The following FCRL5 variants were observed in gnomAD, a reference collection of about 807,000 sequenced individuals.
FCRL5 encodes Fc receptor-like protein 5.
FCRL5 carries 79 observed loss-of-function variants against 92.1 expected under a neutral mutation model. The ratio of observed to expected loss-of-function variants is 0.86; its 90% confidence interval spans 0.72 to 1.03. The LOEUF (loss-of-function observed/expected upper bound fraction) is 1.03. Ranked by LOEUF, FCRL5 falls within the 50% of genes least tolerant of loss-of-function variation. The pLI is 0.00. For synonymous variants in FCRL5, 466 were observed against 469.3 expected (o/e 0.99, Z 0.09); for missense variants, 1,160 against 1,181.1 (o/e 0.98, Z 0.26).
rs745751652 is a variant in FCRL5, at chr1:157,544,907, A to G, written c.483T>C (p.Asn161=). The part of the protein sequence containing the change: ...FHIPHACLKD[N]GAYRCTGYKE... ...TATATCCAGTACAGCGATATGCACC[A>G]TTGTCCTTGAGACATGCATGAGGAA... Residue 161 remains asparagine (N), a synonymous_variant, in exon 4 of 17, where the codon AAT becomes AAC. Coordinates refer to ENST00000361835, the MANE Select transcript of FCRL5 (RefSeq NM_031281.3). 3 of 1,614,026 alleles carry G rather than the reference A, an allele frequency of 1.9e-6. No individual in the cohort carries two copies. The highest frequency in any genetic ancestry group is 3.3e-5 in the Admixed American group (2 of 60,014).
rs1411156611 is a variant in FCRL5 at position 157,546,485 on chromosome 1, C to CAAACA, written c.307+457_307+458insTGTTT. ...CAAACCAAACCAAACCAAACCAAAC[C>CAAACA]AAACCAAACCAAACCAAAAAGCTAT... On this transcript the variant is annotated intron_variant, in intron 3 of 16. Coordinates refer to ENST00000361835, the MANE Select transcript of FCRL5 (RefSeq NM_031281.3). 5.3e-5 allele frequency among the ~76,000 whole-genome samples: 8 copies of CAAACA among 151,978 alleles called. No individual in the cohort carries two copies. The South Asian group carries it at 1.0e-3, about 20-fold the overall frequency.
At chr1:157,548,999 G>A (rs1288998056) in intron 2 of FCRL5, among the ~76,000 whole-genome samples, 5 of 151,940 alleles carry the variant, frequency 3.3e-5, no homozygotes, top group South Asian at 2.1e-4. Flanking sequence ...TGTTTACTGC[G>A]GCACTATTCA....
At chr1:157,526,603 C>T (rs1395760045) in intron 9 of FCRL5, among the ~76,000 whole-genome samples, 1 of 152,056 alleles carries the variant, frequency 6.6e-6, no homozygotes, top group African/African-American at 2.4e-5. Context: ...AATCTGGAGA[C>T]CAGATGGAGA....
At chr1:157,546,846 C>T in intron 3 of FCRL5, 97 bp downstream of exon 3, 5 of 1,419,270 alleles carry the variant, frequency 3.5e-6, no homozygotes, top group Non-Finnish European at 4.7e-6. Context: ...TAAAATTGTC[C>T]ACTCATGAAG....
At chr1:157,542,123 C>G (rs1651293516) in intron 6 of FCRL5, 1 of 152,300 alleles carries the variant, frequency 6.6e-6, no homozygotes, top group African/African-American at 2.4e-5. Context: ...AGACTGGACT[C>G]TCTGTCACCA....
At chr1:157,518,362 G>A (rs1650021825) in intron 15 of FCRL5, 67 bp downstream of exon 15, 1 of 1,366,952 alleles carries the variant, frequency 7.3e-7, no homozygotes, top group East Asian at 2.3e-5. Context: ...TCTGCTGAGT[G>A]GGTAGAAACT....
intron 2 of FCRL5, 60 bp downstream of exon 2, chr1:157,549,498 ATT>A (rs1285222800): frequency 8.3e-5 from 123 of 1,480,460 alleles, no homozygotes; most frequent in Non-Finnish European, 6.5e-5. Flanking sequence ...AATGTTTTCT[ATT>A]TATTAGGAAG....
In FCRL5 at chr1:157,544,386, A is replaced by G; in HGVS notation, c.720T>C (p.Ser240=). Residue 240 remains serine (S), a synonymous_variant, in exon 5 of 17, where the codon AGT becomes AGC. Transcript: ENST00000361835. The stretch of plus-strand genomic sequence containing the variant: ...CAGTAATCTGGAAATTCGGGGAGAG[A>G]CTCCAGCCTAATCCCAGGGTCTGGT... ...RDDQTLGLGW[S]LSPNFQITAM... is the part of the protein sequence containing the mutation. The G allele has an allele frequency of 5.6e-6, 9 of 1,613,920 alleles. No individual in the cohort carries two copies. The highest frequency in any genetic ancestry group is 5.9e-6 in the Non-Finnish European group (7 of 1,179,978).
At chr1:157,529,514 C>T (rs1407532617) in intron 8 of FCRL5, among the ~76,000 whole-genome samples, 1 of 152,122 alleles carries the variant, frequency 6.6e-6, no homozygotes, top group Non-Finnish European at 1.5e-5. Context: ...TATAGCAGCA[C>T]AACTCATGAT....
intron 7 of FCRL5, among the ~76,000 whole-genome samples, chr1:157,536,780 A>T (rs1650987231): frequency 6.6e-6 from 1 of 152,212 alleles, no homozygotes; most frequent in Admixed American, 6.5e-5. Context: ...GAAGTCAGGG[A>T]CCCCGAATGG....
At chr1:157,533,774 G>A (rs1650807857) in intron 8 of FCRL5, 1 of 150,034 alleles carries the variant, frequency 6.7e-6, no homozygotes. Flanking sequence ...AATGAGTGAA[G>A]TCTAGAAGCT....
intron 4 of FCRL5, 45 bp from the exon 5 acceptor site, chr1:157,544,591 C>G: frequency 1.9e-6 from 3 of 1,596,470 alleles, no homozygotes; most frequent in South Asian, 1.1e-5. Context: ...GAGGCTGGAA[C>G]TGCTTTGGAG....
At chr1:157,529,409 G>C (rs965865294) in intron 8 of FCRL5, among the ~76,000 whole-genome samples, 1 of 152,236 alleles carries the variant, frequency 6.6e-6, no homozygotes, top group East Asian at 1.9e-4. Context: ...AGAACTAAAA[G>C]TAGAACTACC....
chr1:157,545,166 A>T lies in FCRL5; in HGVS notation c.308-84T>A, dbSNP rs535247522. On this transcript the variant is annotated intron_variant, in intron 3 of 16. Coordinates refer to ENST00000361835, the MANE Select transcript of FCRL5 (RefSeq NM_031281.3). ...TGTTTTTCCAAGTAGATTTTATTTT[A>T]AAAAAATGGGTTGGGAAAAAGAACT... The T allele has an allele frequency of 1.8e-4, 258 of 1,465,626 alleles. 1 individual carries two copies. The highest frequency in any genetic ancestry group is 1.2e-3 in the South Asian group (94 of 76,152). The allele number at this position is 1,465,626 out of a possible 1,614,324, so 90.8% of individuals were successfully genotyped here. A position where few individuals can be genotyped will look rare whatever the true frequency, so the allele number is the denominator to read the frequency against.
At chr1:157,536,061 C>T (rs986623659) in intron 7 of FCRL5, among the ~76,000 whole-genome samples, 4 of 150,262 alleles carry the variant, frequency 2.7e-5, no homozygotes, top group African/African-American at 7.3e-5. Context: ...CCTGCATCAG[C>T]CTCCTGAGTA....
rs755135890 is a variant in FCRL5 at position 157,544,246 on chromosome 1, T to G, written c.844+16A>C. On this transcript the variant is annotated intron_variant, in intron 5 of 16. Transcript: ENST00000361835. The stretch of plus-strand genomic sequence containing the variant: ...AGCCCTCTCTGCAGCAAATCTCAGG[T>G]TCCACCAACACTTACTCTGCACCTG... 7 of 1,610,474 alleles carry G rather than the reference T, an allele frequency of 4.3e-6. No individual in the cohort carries two copies. The highest frequency in any genetic ancestry group is 3.4e-6 in the Non-Finnish European group (4 of 1,176,842).
chr1:157,546,879 C>T, intron 3 of FCRL5, 64 bp downstream of exon 3: 4 of 1,568,238 alleles, frequency 2.6e-6, no homozygotes, highest in South Asian at 1.2e-5. Flanking sequence ...ACAGTAATAA[C>T]AGCTAGAGAG....
At chr1:157,522,638 A>G (rs767892683) in intron 10 of FCRL5, 1 of 152,202 alleles carries the variant, frequency 6.6e-6, no homozygotes, top group African/African-American at 2.4e-5. Flanking sequence ...ATAAGAAATA[A>G]TATTTCCTTT....
chr1:157,523,554 C>T (rs1650294002), intron 10 of FCRL5, among the ~76,000 whole-genome samples: 1 of 152,208 alleles, frequency 6.6e-6, no homozygotes, highest in Non-Finnish European at 1.5e-5. Flanking sequence ...CACCAGTTCT[C>T]TCTAAACAGA....
Sources: allele counts gnomAD v4.1 joint callset (sites outside exome capture counted in the v4.1 genomes callset), GRCh38; gene constraint gnomAD v4.1.1; transcripts MANE v1.5; gene names NCBI Gene and HGNC (gene_info 2026-07-23, HGNC 2026-07-21).